NRG1: variants seen among roughly 807,000 people sequenced by gnomAD.
NRG1 encodes the protein pro-neuregulin-1, membrane-bound isoform.
NRG1 carries 18 observed loss-of-function variants against 63.8 expected under a neutral mutation model. That is an observed-to-expected ratio of 0.28 (90% CI 0.19 to 0.42). The LOEUF (loss-of-function observed/expected upper bound fraction) is 0.42, where lower values mean the gene tolerates loss of function less well. NRG1 is among the 10% of genes least tolerant of loss of function. The pLI is 1.00. For missense variants in NRG1, 762 were observed against 814.7 expected, an observed-to-expected ratio of 0.94 and a Z score of 0.79; for synonymous variants, 302 against 301.3, an observed-to-expected ratio of 1.00 and a Z score of -0.02.
chr8:31,783,319 A>G (rs935053845), intron 1 of NRG1, among the ~76,000 whole-genome samples: 1 of 152,216 alleles, frequency 6.6e-6, no homozygotes, highest in African/African-American at 2.4e-5. Flanking sequence ...TTTTATAGCA[A>G]TAGTTTTTTT....
chr8:31,871,357 C>A (rs1325152172), intron 1 of NRG1, among the ~76,000 whole-genome samples: 2 of 152,132 alleles, frequency 1.3e-5, no homozygotes, highest in Non-Finnish European at 2.9e-5. Flanking sequence ...AGCTCTGTTG[C>A]TTGCTTGTTG....
chr8:32,613,560 A>G (rs1353130570), intron 3 of NRG1, among the ~76,000 whole-genome samples: 2 of 152,086 alleles, frequency 1.3e-5, no homozygotes, highest in Non-Finnish European at 2.9e-5. Context: ...AAAATTATAT[A>G]TGACCTGCTT....
At chr8:31,984,023 G>A (rs962320104) in intron 1 of NRG1, among the ~76,000 whole-genome samples, 5 of 152,062 alleles carry the variant, frequency 3.3e-5, no homozygotes, top group African/African-American at 1.2e-4. Flanking sequence ...GTCATGTTCA[G>A]AAGAGTTTTA....
At chr8:31,830,364 TCC>T (rs1563454822) in intron 1 of NRG1, among the ~76,000 whole-genome samples, 1 of 18,942 alleles carries the variant, frequency 5.3e-5, no homozygotes, top group Non-Finnish European at 1.1e-4. Context: ...CTTCCTTCCC[TCC>T]TTCCCTCCTT....
chr8:32,354,233 G>A (rs1309235609), intron 1 of NRG1, among the ~76,000 whole-genome samples: 1 of 152,114 alleles, frequency 6.6e-6, no homozygotes, highest in African/African-American at 2.4e-5. Context: ...GCCAGGCGTG[G>A]TGATGAGTGC....
At chr8:31,792,102 CT>C (rs1365314184) in intron 1 of NRG1, among the ~76,000 whole-genome samples, 2 of 152,116 alleles carry the variant, frequency 1.3e-5, no homozygotes, top group Non-Finnish European at 2.9e-5. Flanking sequence ...GTTACATGAC[CT>C]TTTTCATTTA....
chr8:32,388,946 G>T (rs1292856585), intron 1 of NRG1, among the ~76,000 whole-genome samples: 3 of 152,086 alleles, frequency 2.0e-5, no homozygotes, highest in Admixed American at 6.5e-5. Context: ...TTTGTATTAG[G>T]GTAACCTAAT....
intron 1 of NRG1, among the ~76,000 whole-genome samples, chr8:32,166,155 G>A (rs925180931): frequency 5.9e-5 from 9 of 152,126 alleles, no homozygotes. Flanking sequence ...TGCTTAAAAG[G>A]CTGATTTTAT....
intron 1 of NRG1, among the ~76,000 whole-genome samples, chr8:31,682,431 G>C (rs987910497): frequency 6.6e-6 from 1 of 152,098 alleles, no homozygotes; most frequent in African/African-American, 2.4e-5. Context: ...TCAGAGGTTC[G>C]TTAGCAGAAT....
intron 1 of NRG1, among the ~76,000 whole-genome samples, chr8:31,686,563 C>G (rs1209935976): frequency 6.6e-6 from 1 of 152,058 alleles, no homozygotes; most frequent in Non-Finnish European, 1.5e-5. Flanking sequence ...GCATCTGACA[C>G]TTTTAAGTTT....
At chr8:32,346,003 G>T (rs1302415247) in intron 1 of NRG1, among the ~76,000 whole-genome samples, 1 of 149,962 alleles carries the variant, frequency 6.7e-6, no homozygotes, top group Non-Finnish European at 1.5e-5. Flanking sequence ...GTGAAATCCT[G>T]TCTCAAAAAT....
chr8:32,426,715 T>C (rs1817420985), intron 1 of NRG1, among the ~76,000 whole-genome samples: 2 of 152,180 alleles, frequency 1.3e-5, no homozygotes, highest in South Asian at 2.1e-4. Context: ...ACACAAAGCA[T>C]ATGCCCAGGA....
chr8:32,125,320 C>T (rs570835572), intron 1 of NRG1, among the ~76,000 whole-genome samples: 11 of 151,992 alleles, frequency 7.2e-5, no homozygotes, highest in African/African-American at 2.4e-4. Context: ...CATAACAGGT[C>T]GATTTGATTC....
At chr8:31,994,334 G>T (rs1811561975) in intron 1 of NRG1, among the ~76,000 whole-genome samples, 2 of 151,812 alleles carry the variant, frequency 1.3e-5, no homozygotes, top group Non-Finnish European at 2.9e-5. Flanking sequence ...GGTAACTGTA[G>T]CCTGGAGTGG....
At chr8:32,362,699 A>G (rs1186180899) in intron 1 of NRG1, among the ~76,000 whole-genome samples, 2 of 152,236 alleles carry the variant, frequency 1.3e-5, no homozygotes, top group Non-Finnish European at 2.9e-5. Context: ...TCTCGAGCCA[A>G]GTAAACACTC....
intron 1 of NRG1, among the ~76,000 whole-genome samples, chr8:31,966,871 G>T (rs1806424239): frequency 6.6e-6 from 1 of 151,912 alleles, no homozygotes; most frequent in Non-Finnish European, 1.5e-5. Flanking sequence ...TATAGACCAT[G>T]AAATCATAGC....
At chr8:32,242,262 T>C (rs960340267) in intron 1 of NRG1, among the ~76,000 whole-genome samples, 6 of 151,932 alleles carry the variant, frequency 3.9e-5, no homozygotes, top group African/African-American at 1.5e-4. Context: ...GATCATGAGG[T>C]CAGGAGTTCG....
At chr8:32,559,244 G>GGAAAAAAAAAAAAAAAAAA (rs1835841509) in intron 1 of NRG1, among the ~76,000 whole-genome samples, 1 of 26,344 alleles carries the variant, frequency 3.8e-5, no homozygotes, top group Non-Finnish European at 9.0e-5. Flanking sequence ...ACTCTAAAAT[G>GGAAAAAAAAAAAAAAAAAA]TAAAAAAAAA....
intron 1 of NRG1, among the ~76,000 whole-genome samples, chr8:31,806,844 A>G (rs1049731163): frequency 1.3e-5 from 2 of 152,228 alleles, no homozygotes; most frequent in African/African-American, 4.8e-5. Context: ...ATGTGCATGT[A>G]AAGATGCCTG....
Sources: gnomAD v4.1 joint callset for allele counts (sites outside exome capture counted in the v4.1 genomes callset) on GRCh38, gnomAD v4.1.1 for gene constraint, MANE v1.5 for transcripts, NCBI Gene and HGNC (gene_info 2026-07-23, HGNC 2026-07-21) for gene names.